The following FANCL variants were observed in gnomAD, a reference collection of about 807,000 sequenced individuals.
The protein encoded by FANCL is FA complementation group L.
FANCL carries 69 observed loss-of-function variants against 59.4 expected under a neutral mutation model. The ratio of observed to expected loss-of-function variants is 1.16; its 90% CI spans 0.96 to 1.42. FANCL has a LOEUF of 1.42. Ranked by LOEUF, FANCL falls within the 40% of genes most tolerant of loss-of-function variation. FANCL has a pLI of 0.00. For synonymous variants in FANCL, 180 were observed against 147.1 expected (o/e 1.22, Z -1.62); for missense variants, 519 against 447.2 (o/e 1.16, Z -1.45).
At chr2:58,220,544 T>G (rs778982249) in intron 5 of FANCL, among the ~76,000 whole-genome samples, 1 of 152,226 alleles carries the variant, frequency 6.6e-6, no homozygotes, top group African/African-American at 2.4e-5. Context: ...AGAAACAAAT[T>G]TACATGGGAA....
intron 7 of FANCL, among the ~76,000 whole-genome samples, chr2:58,187,782 A>C (rs1688553301): frequency 6.6e-6 from 1 of 152,150 alleles, no homozygotes; most frequent in African/African-American, 2.4e-5. Context: ...GTATACATAA[A>C]ACAACGTCCA....
At chr2:58,190,469 A>G (rs202063255) in intron 7 of FANCL, among the ~76,000 whole-genome samples, 3 of 100,748 alleles carry the variant, frequency 3.0e-5, no homozygotes, top group Non-Finnish European at 5.7e-5. Flanking sequence ...ATTCAAAAAG[A>G]AAAAAAAAAA....
chr2:58,241,115 CCCA>C lies in FANCL; in HGVS notation c.96+100_96+102del, dbSNP rs1694501455. 10 of 1,252,818 alleles carry C rather than the reference CCCA, an allele frequency of 8.0e-6. No individual in the cohort carries two copies. In the Admixed American group the frequency reaches 1.3e-4, roughly 17 times the overall value. The allele number at this position is 1,252,818 out of a possible 1,614,324, so 77.6% of individuals were successfully genotyped here. Reference sequence around the variant, plus strand: ...CCGTTACGCGCCGCCCCTCTCAATCCCCACAAGTCTGGGCCCCTAACCTCCTAG... The same window carrying C: ...CCGTTACGCGCCGCCCCTCTCAATCCCAAGTCTGGGCCCCTAACCTCCTAG... On this transcript the variant is annotated intron_variant, in intron 1 of 13. Transcript: ENST00000233741.
In FANCL at chr2:58,194,146, T is replaced by C. The variant is rs188366325; in HGVS notation, c.540+4448A>G. 1.7e-4 allele frequency: 77 copies of C among 466,004 alleles called. No individual in the cohort carries two copies. In the Middle Eastern group the frequency reaches 2.3e-3, roughly 14 times the overall value. 28.9% of individuals were successfully genotyped at this position (466,004 alleles called of 1,614,324 possible). Reference sequence around the variant, plus strand: ...GATAAAAAAATATAAAGACCACTATTTACTACACCACACTGAACCTGAGGA... The same window carrying C: ...GATAAAAAAATATAAAGACCACTATCTACTACACCACACTGAACCTGAGGA... On this transcript the variant is annotated intron_variant, in intron 7 of 13. Coordinates refer to ENST00000233741, the MANE Select transcript of FANCL (RefSeq NM_018062.4).
chr2:58,184,121 T>C (rs1688181184), intron 7 of FANCL, among the ~76,000 whole-genome samples: 1 of 152,038 alleles, frequency 6.6e-6, no homozygotes, highest in Non-Finnish European at 1.5e-5. Context: ...ATGCCAATTA[T>C]TACAATGTAA....
chr2:58,179,527 G>C (rs1687710434), intron 7 of FANCL, among the ~76,000 whole-genome samples: 1 of 152,140 alleles, frequency 6.6e-6, no homozygotes, highest in Admixed American at 6.5e-5. Context: ...AAACTGGCTA[G>C]CCATATGCAG....
At chr2:58,234,229 T>C (rs933597564) in intron 1 of FANCL, among the ~76,000 whole-genome samples, 1 of 151,810 alleles carries the variant, frequency 6.6e-6, no homozygotes, top group Non-Finnish European at 1.5e-5. Flanking sequence ...TAATAATAAA[T>C]GAAATAAGTG....
chr2:58,208,051 C>T (rs77548893), intron 5 of FANCL, among the ~76,000 whole-genome samples: 5 of 152,148 alleles, frequency 3.3e-5, no homozygotes, highest in Non-Finnish European at 5.9e-5. Context: ...AGACAGAGAC[C>T]ATGTCACTAA....
chr2:58,212,353 A>G (rs981489738), intron 5 of FANCL, among the ~76,000 whole-genome samples: 15 of 152,150 alleles, frequency 9.9e-5, no homozygotes, highest in Admixed American at 3.3e-4. Flanking sequence ...ATTATCTTCC[A>G]CCGGGTCCCT....
chr2:58,204,054 T>C, intron 6 of FANCL, 76 bp downstream of exon 6: 2 of 1,107,434 alleles, frequency 1.8e-6, no homozygotes, highest in East Asian at 4.7e-5. Context: ...TAGCACTTCT[T>C]TACATTGAGA....
chr2:58,215,229 G>C (rs565224889), intron 5 of FANCL, among the ~76,000 whole-genome samples: 2 of 152,162 alleles, frequency 1.3e-5, no homozygotes, highest in South Asian at 2.1e-4. Context: ...ACTGCTGCTA[G>C]GGCATCTCAA....
chr2:58,169,789 G>C (rs115262564), intron 7 of FANCL, among the ~76,000 whole-genome samples: 1,871 of 152,002 alleles, frequency 0.012, 35 homozygotes, highest in African/African-American at 0.042. Flanking sequence ...CAATCAAGCG[G>C]AAGAAAGGAT....
rs556796702 is a variant in FANCL at position 58,221,824 on chromosome 2, C to G, written c.374+118G>C. ...TCACAGCAACAATAAGGATCAAATA[C>G]TCTAGTTACAATTAAACACTTTGAC... On this transcript the variant is annotated intron_variant, in intron 5 of 13. Transcript: ENST00000233741. 33 of 704,798 alleles carry G rather than the reference C, an allele frequency of 4.7e-5. No individual in the cohort carries two copies. In the East Asian group the frequency reaches 7.8e-4, roughly 17 times the overall value. 43.7% of individuals were successfully genotyped at this position (704,798 alleles called of 1,614,324 possible). A position where few individuals can be genotyped will look rare whatever the true frequency, so the allele number is the denominator to read the frequency against.
intron 2 of FANCL, 55 bp from the exon 3 acceptor site, chr2:58,229,929 T>C (rs1186391773): frequency 3.2e-6 from 4 of 1,232,212 alleles, no homozygotes; most frequent in East Asian, 2.3e-5. Flanking sequence ...TAAAAACTTA[T>C]TTGTATGCTA....
At chr2:58,201,603 T>C (rs1256358504) in intron 6 of FANCL, among the ~76,000 whole-genome samples, 2 of 152,050 alleles carry the variant, frequency 1.3e-5, no homozygotes, top group Non-Finnish European at 1.5e-5. Context: ...GTACTGATCT[T>C]GATTGACCAA....
chr2:58,201,857 C>G (rs1336356999), intron 6 of FANCL, among the ~76,000 whole-genome samples: 1 of 151,282 alleles, frequency 6.6e-6, no homozygotes, highest in Non-Finnish European at 1.5e-5. Flanking sequence ...AGTATGTATT[C>G]CAGAATAAAT....
At chr2:58,225,843 G>A (rs1692946463) in intron 4 of FANCL, among the ~76,000 whole-genome samples, 1 of 152,056 alleles carries the variant, frequency 6.6e-6, no homozygotes, top group African/African-American at 2.4e-5. Context: ...AGGTAAAGAG[G>A]AGAGAGATGA....
chr2:58,172,242 G>C (rs1686720401), intron 7 of FANCL, among the ~76,000 whole-genome samples: 1 of 152,236 alleles, frequency 6.6e-6, no homozygotes. Flanking sequence ...GCTTTGAAGA[G>C]AGCAGTGGTT....
chr2:58,202,520 G>C (rs1214099916), intron 6 of FANCL, among the ~76,000 whole-genome samples: 1 of 148,006 alleles, frequency 6.8e-6, no homozygotes, highest in Non-Finnish European at 1.5e-5. Context: ...TTCCAAAACA[G>C]TTTTTTTTTT....
Sources: allele counts gnomAD v4.1 joint callset (sites outside exome capture counted in the v4.1 genomes callset), GRCh38; gene constraint gnomAD v4.1.1; transcripts MANE v1.5; gene names NCBI Gene and HGNC (gene_info 2026-07-23, HGNC 2026-07-21).